The following BUB3 variants were observed in gnomAD, a reference collection of about 807,000 sequenced individuals.
The protein encoded by BUB3 is mitotic checkpoint protein BUB3.
Under a neutral mutation model 39.9 loss-of-function variants are expected in BUB3, and 22 were observed. That is an observed-to-expected ratio of 0.55 (90% CI 0.39 to 0.79). The LOEUF (loss-of-function observed/expected upper bound fraction) is 0.79, where lower values mean the gene tolerates loss of function less well. Among genes scored for constraint, BUB3 ranks in the 30% least tolerant of loss-of-function variants. The pLI, the probability that BUB3 is intolerant of heterozygous loss-of-function variation, is 0.00. For missense variants in BUB3, 303 were observed against 415.4 expected (o/e 0.73, Z 2.35); for synonymous variants, 168 against 155.1 (o/e 1.08, Z -0.62).
chr10:123,162,330 A>C lies in BUB3; in HGVS notation c.671A>C (p.His224Pro). Residue 224 changes from histidine (H) to proline (P), a missense_variant, in exon 6 of 8, where the codon CAC (histidine) becomes CCC (proline). Transcript: ENST00000368865. ...AAGAAGAAGTATGCCTTCAAATGTC[A>C]CAGACTAAAAGAAAATAATATTGAG... ...VQKKKYAFKC[H>P]RLKENNIEQI... 1 of 1,614,144 alleles carries C rather than the reference A, an allele frequency of 6.2e-7. No individual in the cohort carries two copies. The highest frequency in any genetic ancestry group is 1.1e-5 in the South Asian group (1 of 91,076).
chr10:123,156,791 G>C (rs1222676055), intron 3 of BUB3, among the ~76,000 whole-genome samples: 1 of 139,200 alleles, frequency 7.2e-6, no homozygotes, highest in African/African-American at 2.8e-5. Context: ...CTGTTGACCA[G>C]GCTGGAGTGC....
In BUB3 at chr10:123,164,808, C is replaced by T; in HGVS notation, c.*973C>T. 1 of 1,271,972 alleles carries T rather than the reference C, an allele frequency of 7.9e-7. No homozygotes were observed. The highest frequency in any genetic ancestry group is 9.9e-7 in the Non-Finnish European group (1 of 1,007,978). 78.8% of individuals were successfully genotyped at this position (1,271,972 alleles called of 1,614,324 possible). On this transcript the variant is annotated 3_prime_UTR_variant, in exon 8 of 8. Coordinates refer to ENST00000368865, the MANE Select transcript of BUB3 (RefSeq NM_004725.4). Reference sequence around the variant, plus strand: ...GCACTAAAGCAGAACACGAACTTAGCTTGGCCTATTCTAGGTAGTTCCAAA... The same window carrying T: ...GCACTAAAGCAGAACACGAACTTAGTTTGGCCTATTCTAGGTAGTTCCAAA...
chr10:123,165,144 C>G lies in BUB3; in HGVS notation c.*1309C>G. The G allele has an allele frequency of 6.9e-7, 1 of 1,454,534 alleles. No homozygotes were observed. Among genetic ancestry groups the G allele is most frequent in the East Asian group, 2.3e-5 (1 of 44,024 alleles). The allele number at this position is 1,454,534 out of a possible 1,614,324, so 90.1% of individuals were successfully genotyped here. On this transcript the variant is annotated 3_prime_UTR_variant, in exon 8 of 8. Transcript: ENST00000368865. ...TTCCTTAAGGGATGTGTTAGAGTTA[C>G]TGTGGATTTCTCTGTTTTCTGTCTT...
Position 123,169,919 on chromosome 10 carries a change from G to A in BUB3, c.*6084G>A, listed in dbSNP as rs1168730052. 1.3e-5 allele frequency: 2 copies of A among 152,196 alleles called. No homozygotes were observed. Among genetic ancestry groups the A allele is most frequent in the Non-Finnish European group, 2.9e-5 (2 of 68,046 alleles). 9.4% of individuals were successfully genotyped at this position (152,196 alleles called of 1,614,324 possible). ...AAAGATACAAAAATTAACTGGATGTGGTGGTGCATGCCTGTAGTTCATAGC... is the reference window on the plus strand; with the variant it reads ...AAAGATACAAAAATTAACTGGATGTAGTGGTGCATGCCTGTAGTTCATAGC... On this transcript the variant is annotated 3_prime_UTR_variant, in exon 8 of 8. Transcript: ENST00000368865.
Position 123,164,800 on chromosome 10 carries a change from G to T in BUB3, c.*965G>T, listed in dbSNP as rs570294326. The T allele has an allele frequency of 3.3e-5, 42 of 1,255,496 alleles. No individual in the cohort carries two copies. In the African/African-American group the frequency reaches 5.8e-4, roughly 17 times the overall value. The allele number at this position is 1,255,496 out of a possible 1,614,324, so 77.8% of individuals were successfully genotyped here. On this transcript the variant is annotated 3_prime_UTR_variant, in exon 8 of 8. Coordinates refer to ENST00000368865, the MANE Select transcript of BUB3 (RefSeq NM_004725.4). ...AATGTAATGCACTAAAGCAGAACACGAACTTAGCTTGGCCTATTCTAGGTA... is the reference window on the plus strand; with the variant it reads ...AATGTAATGCACTAAAGCAGAACACTAACTTAGCTTGGCCTATTCTAGGTA...
At chr10:123,160,058 T>A (rs1324927207) in intron 4 of BUB3, among the ~76,000 whole-genome samples, 1 of 151,800 alleles carries the variant, frequency 6.6e-6, no homozygotes, top group East Asian at 1.9e-4. Flanking sequence ...CATTTTTGAA[T>A]TTTTTTTTAC....
intron 7 of BUB3, among the ~76,000 whole-genome samples, chr10:123,163,591 T>A (rs1328293482): frequency 6.6e-6 from 1 of 152,228 alleles, no homozygotes; most frequent in African/African-American, 2.4e-5. Context: ...CTTTGCTGAG[T>A]TAAAATGGAT....
rs1263335241 is a variant in BUB3, at chr10:123,162,394, C to T, written c.735C>T (p.Ile245=). ...TCAATGCCATTTCTTTTCACAATAT[C>T]CACAATACATTTGCCACAGGTAAAG... ...YPVNAISFHN[I]HNTFATGGSD... is the part of the protein sequence containing the mutation. Residue 245 remains isoleucine (I), a synonymous_variant, in exon 6 of 8, where the codon ATC becomes ATT. Transcript: ENST00000368865. 5 of 1,613,788 alleles carry T rather than the reference C, an allele frequency of 3.1e-6. No individual in the cohort carries two copies.
rs1046312635 is a variant in BUB3 at position 123,164,373 on chromosome 10, C to T, written c.*538C>T. The T allele has an allele frequency of 6.1e-6, 6 of 985,504 alleles. No individual in the cohort carries two copies. In the African/African-American group the frequency reaches 7.0e-5, roughly 11 times the overall value. 61.0% of individuals were successfully genotyped at this position (985,504 alleles called of 1,614,324 possible). A position where few individuals can be genotyped will look rare whatever the true frequency, so the allele number is the denominator to read the frequency against. ...TCATTTCCTGGGCTGTTAAACAAAGCGAGGTTAAGGTTAGACTCTTGGGAA... is the reference window on the plus strand; with the variant it reads ...TCATTTCCTGGGCTGTTAAACAAAGTGAGGTTAAGGTTAGACTCTTGGGAA... On this transcript the variant is annotated 3_prime_UTR_variant, in exon 8 of 8. Transcript: ENST00000368865.
chr10:123,162,489 AAAAT>A (rs1472800021), intron 6 of BUB3, 76 bp downstream of exon 6: 1 of 1,568,408 alleles, frequency 6.4e-7, no homozygotes, highest in African/African-American at 1.4e-5. Context: ...TTAGTGAAAA[AAAAT>A]CTGTACAGTG....
At position 123,167,938 on chromosome 10, in the gene BUB3, C is replaced by G. The variant is rs755341848; in HGVS notation, c.*4103C>G. ...TTTACAAGTTGACAAATTACATTTA[C>G]AAATTTATGTAATTTTTTACGCTTT... On this transcript the variant is annotated 3_prime_UTR_variant, in exon 8 of 8. Transcript: ENST00000368865. 2.0e-5 allele frequency: 3 copies of G among 151,706 alleles called. No individual in the cohort carries two copies. Among genetic ancestry groups the G allele is most frequent in the Non-Finnish European group, 4.4e-5 (3 of 67,936 alleles). The allele number at this position is 151,706 out of a possible 1,614,324, so 9.4% of individuals were successfully genotyped here.
chr10:123,160,335 C>T (rs1844404789), intron 4 of BUB3, 72 bp from the exon 5 acceptor site: 2 of 1,386,678 alleles, frequency 1.4e-6, no homozygotes, highest in South Asian at 1.7e-5. Context: ...ATCAGATGGA[C>T]TTTATTTTGG....
Position 123,165,730 on chromosome 10 carries a change from T to G in BUB3, c.*1895T>G, listed in dbSNP as rs1052891607. The G allele has an allele frequency of 6.6e-6, 1 of 152,184 alleles. No homozygotes were observed. The highest frequency in any genetic ancestry group is 1.5e-5 in the Non-Finnish European group (1 of 68,090). 9.4% of individuals were successfully genotyped at this position (152,184 alleles called of 1,614,324 possible). A position where few individuals can be genotyped will look rare whatever the true frequency, so the allele number is the denominator to read the frequency against. ...TTAGGTAGCTTGTGCATCCCCGTGT[T>G]GATGTAGTCATAGTCCACACAGAGC... On this transcript the variant is annotated 3_prime_UTR_variant, in exon 8 of 8. Transcript: ENST00000368865.
rs756296981 is a variant in BUB3 at position 123,162,635 on chromosome 10, A to G, written c.778A>G (p.Ile260Val). ...AGGTGGTTCTGATGGCTTTGTAAAT[A>G]TTTGGGATCCATTTAACAAAAAGCG... ...ATGGSDGFVN[I>V]WDPFNKKRLC... The change falls in exon 7 of 8, where the codon ATT becomes GTT. Residue 260 changes from isoleucine (I) to valine (V), a missense_variant. Physicochemically the swap from Ile to Val is conservative, Grantham distance 29. Coordinates refer to ENST00000368865, the MANE Select transcript of BUB3 (RefSeq NM_004725.4). The G allele has an allele frequency of 1.2e-5, 18 of 1,531,722 alleles. No homozygotes were observed. In the East Asian group the frequency reaches 4.0e-4, roughly 34 times the overall value. 94.9% of individuals were successfully genotyped at this position (1,531,722 alleles called of 1,614,324 possible).
chr10:123,157,744 C>A lies in BUB3; in HGVS notation c.281C>A (p.Thr94Asn). 1 of 1,591,752 alleles carries A rather than the reference C, an allele frequency of 6.3e-7. No homozygotes were observed. The highest frequency in any genetic ancestry group is 1.2e-5 in the South Asian group (1 of 86,644). The stretch of plus-strand genomic sequence containing the variant: ...TTCTCTATAGAAAATCTTGTTGGGA[C>A]CCATGATGCCCCTATCAGATGTGTT... ...LNTDQENLVG[T>N]HDAPIRCVEY... is the part of the protein sequence containing the mutation. The change falls in exon 4 of 8, where the codon ACC (threonine) becomes AAC (asparagine). Residue 94 changes from threonine to asparagine, a missense_variant. Physicochemically the swap from Thr to Asn is moderately conservative, Grantham distance 65 (BLOSUM62 0). Around this residue, in one of 2 missense-constraint regions of BUB3, gnomAD observed 121 missense variants for 122.3 expected, o/e 0.99. Coordinates refer to ENST00000368865, the MANE Select transcript of BUB3 (RefSeq NM_004725.4).
chr10:123,157,995 A>T (rs1431845987), intron 4 of BUB3, 115 bp downstream of exon 4: 2 of 1,130,060 alleles, frequency 1.8e-6, no homozygotes, highest in East Asian at 5.3e-5. Context: ...CATGGGGGGA[A>T]AAAAGGTTGA....
At position 123,166,545 on chromosome 10, in the gene BUB3, A is replaced by G. The variant is rs1424779742; in HGVS notation, c.*2710A>G. On this transcript the variant is annotated 3_prime_UTR_variant, in exon 8 of 8. Coordinates refer to ENST00000368865, the MANE Select transcript of BUB3 (RefSeq NM_004725.4). The stretch of plus-strand genomic sequence containing the variant: ...AATGCCTGTCACCTGTAATTTGCAA[A>G]AACTGCTTGATCAGATTCTAAAAAA... 1.3e-5 allele frequency: 2 copies of G among 152,184 alleles called. No homozygotes were observed. The highest frequency in any genetic ancestry group is 2.9e-5 in the Non-Finnish European group (2 of 68,026). The allele number at this position is 152,184 out of a possible 1,614,324, so 9.4% of individuals were successfully genotyped here.
Position 123,155,054 on chromosome 10 carries a change from C to G in BUB3, c.137C>G (p.Ala46Gly). ...TCCGTGCGTCTCTACGATGTGCCGGCCAACTCCATGCGGCTCAAGTACCAG... is the reference window on the plus strand; with the variant it reads ...TCCGTGCGTCTCTACGATGTGCCGGGCAACTCCATGCGGCTCAAGTACCAG... ...DTSVRLYDVP[A>G]NSMRLKYQHT... is the part of the protein sequence containing the mutation. Residue 46 changes from alanine to glycine, a missense_variant, in exon 2 of 8, where the codon GCC (alanine) becomes GGC (glycine). Transcript: ENST00000368865. 6.2e-7 allele frequency: 1 copy of G among 1,614,170 alleles called. No homozygotes were observed. Among genetic ancestry groups the G allele is most frequent in the Non-Finnish European group, 8.5e-7 (1 of 1,180,034 alleles).
At chr10:123,162,532 T>C in intron 6 of BUB3, 80 bp from the exon 7 acceptor site, 1 of 1,556,760 alleles carries the variant, frequency 6.4e-7, no homozygotes, top group Non-Finnish European at 8.7e-7. Context: ...TCTATGACCT[T>C]AAAAATTAAC....
Sources: gnomAD v4.1 joint callset for allele counts (sites outside exome capture counted in the v4.1 genomes callset) on GRCh38, gnomAD v4.1.1 for gene constraint, gnomAD v4.1.1 regional missense constraint, MANE v1.5 for transcripts, NCBI Gene and HGNC (gene_info 2026-07-23, HGNC 2026-07-21) for gene names.